Variants in NOVA1 observed in about 807,000 individuals in gnomAD.
NOVA1 encodes RNA-binding protein Nova-1.
NOVA1 carries 7 observed loss-of-function variants against 38.0 expected under a neutral mutation model. That is an observed-to-expected ratio of 0.18 (90% CI 0.10 to 0.35). The LOEUF is 0.35. NOVA1 is among the 10% of genes least tolerant of loss of function. The probability of loss-of-function intolerance (pLI) is 1.00; values close to 1 mark genes in which losing one functional copy is unlikely to be tolerated. For missense variants in NOVA1, 460 were observed against 616.0 expected, an observed-to-expected ratio of 0.75 and a Z score of 2.68; for synonymous variants, 270 against 232.5, an observed-to-expected ratio of 1.16 and a Z score of -1.47.
chr14:26,459,061 A>G (rs1158170017), intron 4 of NOVA1, among the ~76,000 whole-genome samples: 1 of 152,076 alleles, frequency 6.6e-6, no homozygotes, highest in Non-Finnish European at 1.5e-5. Context: ...AGTGTACAGT[A>G]ATGTCCCAGA....
At chr14:26,475,199 A>C (rs1481774270) in intron 3 of NOVA1, among the ~76,000 whole-genome samples, 1 of 152,068 alleles carries the variant, frequency 6.6e-6, no homozygotes, top group Admixed American at 6.6e-5. Flanking sequence ...TATTATTATT[A>C]TCATCATTAT....
At chr14:26,515,783 C>T (rs1192090790) in intron 2 of NOVA1, among the ~76,000 whole-genome samples, 3 of 151,990 alleles carry the variant, frequency 2.0e-5, no homozygotes, top group Non-Finnish European at 4.4e-5. Flanking sequence ...GTGATCTACG[C>T]TTGAAATATT....
intron 2 of NOVA1, among the ~76,000 whole-genome samples, chr14:26,556,966 CA>C (rs2138666626): frequency 6.6e-6 from 1 of 152,192 alleles, no homozygotes; most frequent in African/African-American, 2.4e-5. Flanking sequence ...AAGGTGTTGT[CA>C]GGGGTGATTT....
chr14:26,492,236 T>C (rs1886401862), intron 2 of NOVA1, among the ~76,000 whole-genome samples: 1 of 152,224 alleles, frequency 6.6e-6, no homozygotes, highest in Non-Finnish European at 1.5e-5. Context: ...AAACTTTGCT[T>C]AATTTATTAG....
At chr14:26,583,872 G>C (rs528525901) in intron 2 of NOVA1, among the ~76,000 whole-genome samples, 172 of 109,684 alleles carry the variant, frequency 1.6e-3, no homozygotes, top group African/African-American at 5.1e-3. Flanking sequence ...CGTTTGAACA[G>C]CATCAAATTC....
At chr14:26,511,449 T>C (rs1474245637) in intron 2 of NOVA1, among the ~76,000 whole-genome samples, 1 of 152,080 alleles carries the variant, frequency 6.6e-6, no homozygotes, top group Non-Finnish European at 1.5e-5. Flanking sequence ...CATCTAAAAA[T>C]TTGCAGATAG....
chr14:26,527,747 T>C (rs1244481664), intron 2 of NOVA1, among the ~76,000 whole-genome samples: 2 of 152,160 alleles, frequency 1.3e-5, no homozygotes, highest in Non-Finnish European at 1.5e-5. Context: ...AGAGAGGCCA[T>C]ACTATTCAAA....
At chr14:26,464,035 A>G (rs1378742421) in intron 4 of NOVA1, among the ~76,000 whole-genome samples, 1 of 152,218 alleles carries the variant, frequency 6.6e-6, no homozygotes, top group Non-Finnish European at 1.5e-5. Flanking sequence ...AAATAAAAAA[A>G]TGTGGCCTCA....
At chr14:26,465,385 G>C (rs1440725971) in intron 4 of NOVA1, among the ~76,000 whole-genome samples, 1 of 152,086 alleles carries the variant, frequency 6.6e-6, no homozygotes, top group African/African-American at 2.4e-5. Context: ...TGGCCAGGCT[G>C]GTCTTGAACT....
chr14:26,447,855 A>T lies in NOVA1; in HGVS notation c.*104T>A. ...CATAGTCGCATTCATTTGCATAATT[A>T]TATATTAATAACAGAAAAACTTCAC... On this transcript the variant is annotated 3_prime_UTR_variant, in exon 5 of 5. Coordinates refer to ENST00000539517, the MANE Select transcript of NOVA1 (RefSeq NM_002515.3). 1.3e-6 allele frequency: 1 copy of T among 770,230 alleles called. No homozygotes were observed. Among genetic ancestry groups the T allele is most frequent in the Non-Finnish European group, 2.1e-6 (1 of 468,500 alleles). 47.7% of individuals were successfully genotyped at this position (770,230 alleles called of 1,614,324 possible).
chr14:26,512,521 G>A (rs1186493911), intron 2 of NOVA1, among the ~76,000 whole-genome samples: 1 of 151,982 alleles, frequency 6.6e-6, no homozygotes, highest in Non-Finnish European at 1.5e-5. Context: ...AAACATCTGT[G>A]ACTTCAATTA....
chr14:26,525,053 T>C (rs1219180086), intron 2 of NOVA1, among the ~76,000 whole-genome samples: 1 of 152,140 alleles, frequency 6.6e-6, no homozygotes, highest in Non-Finnish European at 1.5e-5. Flanking sequence ...ATAAAATATT[T>C]ACATGGTTTA....
intron 4 of NOVA1, among the ~76,000 whole-genome samples, chr14:26,454,395 G>C (rs1882985456): frequency 1.3e-5 from 2 of 152,100 alleles, no homozygotes; most frequent in South Asian, 2.1e-4. Flanking sequence ...TCGATAAAGA[G>C]ATATTTGTGT....
At chr14:26,496,153 C>A (rs1302106489) in intron 2 of NOVA1, among the ~76,000 whole-genome samples, 1 of 150,852 alleles carries the variant, frequency 6.6e-6, no homozygotes, top group Non-Finnish European at 1.5e-5. Context: ...TCCTCTCCAG[C>A]ACCTGTTGTT....
rs1470736905 is a variant in NOVA1, at chr14:26,444,993, T to C, written c.*2966A>G. ...CCAATCTGTATGATAAACAGCACAC[T>C]GTGTCTCAGAGCGCCCATTCAATCT... On this transcript the variant is annotated 3_prime_UTR_variant, in exon 5 of 5. Transcript: ENST00000539517. The C allele has an allele frequency of 6.6e-6, 1 of 152,164 alleles. No homozygotes were observed. Among genetic ancestry groups the C allele is most frequent in the African/African-American group, 2.4e-5 (1 of 41,454 alleles). The allele number at this position is 152,164 out of a possible 1,614,324, so 9.4% of individuals were successfully genotyped here.
chr14:26,595,679 A>T lies in NOVA1; in HGVS notation c.137-126T>A. ...ATATAACTGCAGGAAATATGAAGTT[A>T]AACATTTTTTGAGAATGAAAATAAG... On this transcript the variant is annotated intron_variant, in intron 1 of 4. Coordinates refer to ENST00000539517, the MANE Select transcript of NOVA1 (RefSeq NM_002515.3). 3 of 742,182 alleles carry T rather than the reference A, an allele frequency of 4.0e-6. No individual in the cohort carries two copies. The South Asian group carries it at 6.9e-5, about 17-fold the overall frequency. 46.0% of individuals were successfully genotyped at this position (742,182 alleles called of 1,614,324 possible). A position where few individuals can be genotyped will look rare whatever the true frequency, so the allele number is the denominator to read the frequency against.
At chr14:26,529,937 C>T (rs558524509) in intron 2 of NOVA1, among the ~76,000 whole-genome samples, 4 of 152,052 alleles carry the variant, frequency 2.6e-5, no homozygotes, top group East Asian at 1.9e-4. Context: ...CTAAAAATGG[C>T]TCATTTTTTT....
At chr14:26,575,956 T>C (rs1892813101) in intron 2 of NOVA1, among the ~76,000 whole-genome samples, 1 of 151,916 alleles carries the variant, frequency 6.6e-6, no homozygotes, top group Admixed American at 6.6e-5. Context: ...ATAATTTTTA[T>C]GGAGACTAAA....
chr14:26,597,839 G>A lies in NOVA1; in HGVS notation c.-403C>T, dbSNP rs1894306911. On this transcript the variant is annotated 5_prime_UTR_variant, in exon 1 of 5. Coordinates refer to ENST00000539517, the MANE Select transcript of NOVA1 (RefSeq NM_002515.3). ...CGCGAGGGCTGGCGGGGCGCGGGGA[G>A]AAGCCGAGGAGGAGGGGAGAGTGAG... The A allele has an allele frequency of 9.7e-6, 2 of 206,134 alleles. No homozygotes were observed. The highest frequency in any genetic ancestry group is 1.7e-5 in the Non-Finnish European group (2 of 115,470). 12.8% of individuals were successfully genotyped at this position (206,134 alleles called of 1,614,324 possible).
Sources: gnomAD v4.1 joint callset for allele counts (sites outside exome capture counted in the v4.1 genomes callset) on GRCh38, gnomAD v4.1.1 for gene constraint, MANE v1.5 for transcripts, NCBI Gene and HGNC (gene_info 2026-07-23, HGNC 2026-07-21) for gene names.